Variants in CSMD1 observed in about 807,000 individuals in gnomAD.
CSMD1 encodes CUB and sushi domain-containing protein 1.
Under a neutral mutation model 417.5 loss-of-function variants are expected in CSMD1, and 213 were observed. That is an observed-to-expected ratio of 0.51 (90% CI 0.46 to 0.57). The LOEUF (loss-of-function observed/expected upper bound fraction) is 0.57, where lower values mean the gene tolerates loss of function less well. Among genes scored for constraint, CSMD1 ranks in the 20% least tolerant of loss-of-function variants. The pLI is 0.00. For missense variants in CSMD1, 6,923 were observed against 4,529.7 expected (o/e 1.53, Z -15.17); for synonymous variants, 2,862 against 1,736.8 (o/e 1.65, Z -16.11).
intron 1 of CSMD1, among the ~76,000 whole-genome samples, chr8:4,738,583 C>G (rs1322464963): frequency 6.6e-6 from 1 of 152,090 alleles, no homozygotes; most frequent in Non-Finnish European, 1.5e-5. Context: ...AATGGGGACA[C>G]AAAGCCTAAC....
intron 7 of CSMD1, among the ~76,000 whole-genome samples, chr8:3,642,316 A>T (rs1797346726): frequency 6.6e-6 from 1 of 152,202 alleles, no homozygotes. Flanking sequence ...AGTGAAAAGA[A>T]CTTGCTCTTT....
chr8:4,666,372 G>C (rs904093470), intron 1 of CSMD1, among the ~76,000 whole-genome samples: 1 of 152,180 alleles, frequency 6.6e-6, no homozygotes, highest in African/African-American at 2.4e-5. Flanking sequence ...CAGAGTCAGT[G>C]TGAAAGTGAG....
chr8:3,956,194 A>G (rs532300098), intron 5 of CSMD1, among the ~76,000 whole-genome samples: 27 of 152,240 alleles, frequency 1.8e-4, no homozygotes, highest in Non-Finnish European at 4.0e-4. Context: ...GGTATTAACC[A>G]TAACTAAATG....
intron 7 of CSMD1, among the ~76,000 whole-genome samples, chr8:3,653,343 T>C (rs1396934293): frequency 6.6e-6 from 1 of 152,108 alleles, no homozygotes; most frequent in African/African-American, 2.4e-5. Flanking sequence ...AGATTCACTT[T>C]TGTTGTCCGG....
chr8:3,665,028 A>T (rs1798610554), intron 7 of CSMD1, among the ~76,000 whole-genome samples: 1 of 152,112 alleles, frequency 6.6e-6, no homozygotes, highest in South Asian at 2.1e-4. Context: ...TAACATAATT[A>T]TACATAAACT....
intron 1 of CSMD1, among the ~76,000 whole-genome samples, chr8:4,812,251 A>C (rs1798949657): frequency 6.6e-6 from 1 of 152,194 alleles, no homozygotes; most frequent in African/African-American, 2.4e-5. Context: ...TCTGTATTTC[A>C]CAGATGAATA....
intron 7 of CSMD1, among the ~76,000 whole-genome samples, chr8:3,636,302 G>C (rs1040686582): frequency 1.3e-5 from 2 of 152,132 alleles, no homozygotes; most frequent in East Asian, 1.9e-4. Context: ...TGAGGCTGTT[G>C]TACAGGCCGG....
chr8:4,279,370 G>C (rs1232742314), intron 3 of CSMD1, among the ~76,000 whole-genome samples: 1 of 152,186 alleles, frequency 6.6e-6, no homozygotes, highest in African/African-American at 2.4e-5. Flanking sequence ...CATCTCAACA[G>C]AATGTCAAGT....
intron 5 of CSMD1, among the ~76,000 whole-genome samples, chr8:3,869,374 G>A (rs1035166932): frequency 6.6e-6 from 1 of 152,088 alleles, no homozygotes; most frequent in Non-Finnish European, 1.5e-5. Context: ...ATAATACATA[G>A]AGACTGATAG....
At chr8:2,999,054 G>T (rs184311987) in intron 53 of CSMD1, among the ~76,000 whole-genome samples, 1 of 151,642 alleles carries the variant, frequency 6.6e-6, no homozygotes, top group African/African-American at 2.4e-5. Flanking sequence ...AGAGTACATT[G>T]TTCGAAAAAT....
chr8:4,279,068 T>C (rs1001551472), intron 3 of CSMD1, among the ~76,000 whole-genome samples: 2 of 152,224 alleles, frequency 1.3e-5, no homozygotes, highest in Non-Finnish European at 2.9e-5. Context: ...ACTGTTTTTA[T>C]GTTTGAACAT....
chr8:3,210,584 A>G (rs976034388), intron 30 of CSMD1, among the ~76,000 whole-genome samples: 4 of 148,480 alleles, frequency 2.7e-5, no homozygotes, highest in African/African-American at 9.8e-5. Context: ...ATATGTGTAT[A>G]AATTAATATA....
intron 27 of CSMD1, among the ~76,000 whole-genome samples, chr8:3,226,227 G>C (rs1361977417): frequency 6.6e-6 from 1 of 152,102 alleles, no homozygotes; most frequent in East Asian, 1.9e-4. Context: ...TTTGGACTTG[G>C]GGAAAAGCAA....
chr8:3,716,702 G>A (rs62476977), intron 6 of CSMD1, among the ~76,000 whole-genome samples: 3,460 of 152,218 alleles, frequency 0.023, 66 homozygotes, highest in Non-Finnish European at 0.038. Context: ...CAGCCCAGCA[G>A]GCCTCAGCCT....
At chr8:4,547,364 G>T (rs190662784) in intron 2 of CSMD1, among the ~76,000 whole-genome samples, 10 of 152,252 alleles carry the variant, frequency 6.6e-5, no homozygotes, top group Admixed American at 6.5e-4. Context: ...TCTAAAACAC[G>T]TATCTGAAAA....
At chr8:4,561,637 G>C (rs967285394) in intron 2 of CSMD1, among the ~76,000 whole-genome samples, 1 of 152,126 alleles carries the variant, frequency 6.6e-6, no homozygotes, top group Non-Finnish European at 1.5e-5. Context: ...AGCCATGAAT[G>C]AGCTACTGCA....
At chr8:3,772,964 C>T (rs916681932) in intron 5 of CSMD1, among the ~76,000 whole-genome samples, 65 of 152,160 alleles carry the variant, frequency 4.3e-4, no homozygotes, top group African/African-American at 1.4e-3. Flanking sequence ...TATCAAGGTG[C>T]CAGTGGATCC....
At chr8:4,399,630 C>T (rs569058384) in intron 3 of CSMD1, among the ~76,000 whole-genome samples, 2 of 152,138 alleles carry the variant, frequency 1.3e-5, no homozygotes, top group African/African-American at 2.4e-5. Flanking sequence ...TCCTAGATGT[C>T]AACAATGTGA....
At chr8:4,195,938 G>A (rs776705585) in intron 3 of CSMD1, among the ~76,000 whole-genome samples, 5 of 152,092 alleles carry the variant, frequency 3.3e-5, no homozygotes, top group African/African-American at 4.8e-5. Flanking sequence ...CAGGCCGGGC[G>A]CGGTGGCTCA....
Sources: gnomAD v4.1 joint callset for allele counts (sites outside exome capture counted in the v4.1 genomes callset) on GRCh38, gnomAD v4.1.1 for gene constraint, MANE v1.5 for transcripts, NCBI Gene and HGNC (gene_info 2026-07-23, HGNC 2026-07-21) for gene names.